Variants in GALNTL6 observed in about 807,000 individuals in gnomAD.
GALNTL6 encodes the protein polypeptide N-acetylgalactosaminyltransferase-like 6.
A neutral mutation model predicts 73.7 loss-of-function variants in GALNTL6; 46 were observed. The observed-to-expected ratio is 0.62, with a 90% CI of 0.49 to 0.80. The LOEUF is 0.80. Among genes scored for constraint, GALNTL6 ranks in the 30% least tolerant of loss-of-function variants. GALNTL6 has a pLI of 0.00. For synonymous variants in GALNTL6, 259 were observed against 263.7 expected (o/e 0.98, Z 0.17); for missense variants, 604 against 755.0 (o/e 0.80, Z 2.34).
chr4:172,647,004 T>C (rs1740271768), intron 5 of GALNTL6, among the ~76,000 whole-genome samples: 1 of 152,116 alleles, frequency 6.6e-6, no homozygotes, highest in South Asian at 2.1e-4. Flanking sequence ...CTTGGAGTGA[T>C]TTCTTAATAA....
intron 7 of GALNTL6, among the ~76,000 whole-genome samples, chr4:172,829,460 A>C (rs965821983): frequency 6.6e-6 from 1 of 152,226 alleles, no homozygotes; most frequent in African/African-American, 2.4e-5. Context: ...TGAAAGAAGA[A>C]GGTAAAATAT....
intron 2 of GALNTL6, among the ~76,000 whole-genome samples, chr4:171,822,737 A>T (rs1378475617): frequency 6.6e-6 from 1 of 152,214 alleles, no homozygotes; most frequent in Admixed American, 6.5e-5. Flanking sequence ...AGAGGGAAAT[A>T]AGCAATTAAA....
chr4:172,400,988 A>G (rs1744014019), intron 5 of GALNTL6, among the ~76,000 whole-genome samples: 1 of 152,162 alleles, frequency 6.6e-6, no homozygotes, highest in Non-Finnish European at 1.5e-5. Flanking sequence ...ACAATCGGAG[A>G]CTAAATCATC....
chr4:172,422,269 CT>C (rs1443415751), intron 5 of GALNTL6, among the ~76,000 whole-genome samples: 1 of 152,076 alleles, frequency 6.6e-6, no homozygotes, highest in Admixed American at 6.6e-5. Context: ...GGCCTTTGCC[CT>C]CATTGCACTT....
chr4:171,936,132 A>G (rs1183774058), intron 2 of GALNTL6, among the ~76,000 whole-genome samples: 1 of 152,186 alleles, frequency 6.6e-6, no homozygotes, highest in Non-Finnish European at 1.5e-5. Context: ...TTTAATGAAC[A>G]AAGTAACGTG....
At chr4:172,522,293 G>T (rs1206454270) in intron 5 of GALNTL6, among the ~76,000 whole-genome samples, 1 of 152,022 alleles carries the variant, frequency 6.6e-6, no homozygotes, top group South Asian at 2.1e-4. Flanking sequence ...ATTTTATCAG[G>T]ATACTTTTAT....
intron 2 of GALNTL6, among the ~76,000 whole-genome samples, chr4:172,050,975 G>T (rs1161251177): frequency 2.0e-5 from 3 of 152,164 alleles, no homozygotes; most frequent in Non-Finnish European, 2.9e-5. Flanking sequence ...ATTTATTCTT[G>T]CTGGGGTATT....
chr4:172,076,794 T>C (rs1303330007), intron 2 of GALNTL6, among the ~76,000 whole-genome samples: 1 of 152,208 alleles, frequency 6.6e-6, no homozygotes, highest in Non-Finnish European at 1.5e-5. Context: ...AAATTTTACT[T>C]ATGATATTTT....
chr4:172,160,753 A>G (rs562712363), intron 2 of GALNTL6, among the ~76,000 whole-genome samples: 3 of 152,012 alleles, frequency 2.0e-5, no homozygotes, highest in African/African-American at 4.8e-5. Context: ...TTTATATACT[A>G]TAAATACATG....
chr4:172,240,164 A>G (rs1215105609), intron 3 of GALNTL6, among the ~76,000 whole-genome samples: 1 of 152,018 alleles, frequency 6.6e-6, no homozygotes, highest in African/African-American at 2.4e-5. Context: ...TTTCTGGGAC[A>G]CCAGTGAGTT....
chr4:172,900,934 C>G (rs1056890365), intron 8 of GALNTL6, among the ~76,000 whole-genome samples: 2 of 152,180 alleles, frequency 1.3e-5, no homozygotes, highest in African/African-American at 2.4e-5. Context: ...ACTTGCATCT[C>G]TCACTTCTCT....
rs568757996 is a variant in GALNTL6 at position 172,804,218 on chromosome 4, C to A, written c.554-5143C>A. On this transcript the variant is annotated intron_variant, in intron 5 of 12. Coordinates refer to ENST00000506823, the MANE Select transcript of GALNTL6 (RefSeq NM_001034845.3). Reference sequence around the variant, plus strand: ...CACTCTGGTAAAAACCTCAAAATACCCAGAATAAGAGTTGCACTTAATAGT... The same window carrying A: ...CACTCTGGTAAAAACCTCAAAATACACAGAATAAGAGTTGCACTTAATAGT... Among the ~76,000 whole-genome samples the A allele has an allele frequency of 3.3e-5, 5 of 152,062 alleles. No individual in the cohort carries two copies. In the South Asian group the frequency reaches 1.0e-3, roughly 32 times the overall value.
chr4:171,998,298 A>G (rs1740558343), intron 2 of GALNTL6, among the ~76,000 whole-genome samples: 1 of 152,186 alleles, frequency 6.6e-6, no homozygotes, highest in Admixed American at 6.6e-5. Context: ...AAATTGGTTC[A>G]TGTGACTGTG....
In GALNTL6 at chr4:171,995,850, C is replaced by T. The variant is rs575453010; in HGVS notation, c.138+181132C>T. ...TAACAACTTAGAAAAGTCCATGTAC[C>T]ATGTGCTACACATTACAGTTTTAAA... On this transcript the variant is annotated intron_variant, in intron 2 of 12. Transcript: ENST00000506823. Among the ~76,000 whole-genome samples the T allele has an allele frequency of 2.0e-3, 299 of 151,988 alleles. 1 individual carries two copies. The highest frequency in any genetic ancestry group is 7.1e-3 in the African/African-American group (294 of 41,488).
At chr4:172,320,597 G>T (rs1276839225) in intron 4 of GALNTL6, among the ~76,000 whole-genome samples, 1 of 152,104 alleles carries the variant, frequency 6.6e-6, no homozygotes, top group Non-Finnish European at 1.5e-5. Flanking sequence ...AAAAGAATGA[G>T]AAACTTGGGA....
At chr4:172,194,047 C>A (rs6837124) in intron 2 of GALNTL6, among the ~76,000 whole-genome samples, 9,812 of 152,138 alleles carry the variant, frequency 0.064, 515 homozygotes, top group African/African-American at 0.15. Context: ...CTTTGAGCTA[C>A]AGGAGTATGT....
chr4:171,960,490 G>A (rs1739189134), intron 2 of GALNTL6, among the ~76,000 whole-genome samples: 1 of 151,862 alleles, frequency 6.6e-6, no homozygotes, highest in South Asian at 2.1e-4. Context: ...GTGTTCCCCA[G>A]GCTGGTCTCG....
At chr4:171,845,569 T>C (rs1735347068) in intron 2 of GALNTL6, among the ~76,000 whole-genome samples, 1 of 152,100 alleles carries the variant, frequency 6.6e-6, no homozygotes, top group African/African-American at 2.4e-5. Flanking sequence ...TGAGCATAAG[T>C]CATATATCTC....
intron 3 of GALNTL6, among the ~76,000 whole-genome samples, chr4:172,307,343 G>T (rs1740175201): frequency 6.6e-6 from 1 of 152,132 alleles, no homozygotes; most frequent in Non-Finnish European, 1.5e-5. Context: ...TCACTGCACA[G>T]AAACTTTTGA....
Sources: gnomAD v4.1 joint callset for allele counts (sites outside exome capture counted in the v4.1 genomes callset) on GRCh38, gnomAD v4.1.1 for gene constraint, MANE v1.5 for transcripts, NCBI Gene and HGNC (gene_info 2026-07-23, HGNC 2026-07-21) for gene names.